Variants in LRRC4C observed in about 807,000 individuals in gnomAD.
LRRC4C encodes leucine-rich repeat-containing protein 4C.
Under a neutral mutation model 33.6 loss-of-function variants are expected in LRRC4C, and 5 were observed. That is an observed-to-expected ratio of 0.15 (90% confidence interval 0.08 to 0.31). The LOEUF (loss-of-function observed/expected upper bound fraction) is 0.31. Among genes scored for constraint, LRRC4C ranks in the 10% least tolerant of loss-of-function variants. LRRC4C has a pLI of 1.00. For missense variants in LRRC4C, 560 were observed against 796.7 expected (o/e 0.70, Z 3.58); for synonymous variants, 329 against 302.0 (o/e 1.09, Z -0.93).
intron 3 of LRRC4C, among the ~76,000 whole-genome samples, chr11:40,493,103 ATGGT>A (rs959347183): frequency 1.3e-5 from 2 of 151,368 alleles, no homozygotes; most frequent in African/African-American, 4.8e-5. Context: ...AGATAAATGG[ATGGT>A]TGGATATATA....
chr11:41,378,257 G>C (rs1221914251), intron 1 of LRRC4C, among the ~76,000 whole-genome samples: 4 of 152,094 alleles, frequency 2.6e-5, no homozygotes, highest in Non-Finnish European at 5.9e-5. Context: ...AAGAACATGG[G>C]AATGAAGAAA....
intron 1 of LRRC4C, among the ~76,000 whole-genome samples, chr11:41,162,916 G>T (rs1944538115): frequency 6.6e-6 from 1 of 152,072 alleles, no homozygotes; most frequent in Non-Finnish European, 1.5e-5. Context: ...ATATGGTTTG[G>T]CACTGTTTCC....
chr11:41,008,583 C>T (rs560168825), intron 1 of LRRC4C, among the ~76,000 whole-genome samples: 1 of 152,236 alleles, frequency 6.6e-6, no homozygotes, highest in East Asian at 1.9e-4. Flanking sequence ...CACCATGTTT[C>T]CAAAGAGTCT....
intron 3 of LRRC4C, among the ~76,000 whole-genome samples, chr11:40,543,945 C>T (rs1019598646): frequency 6.6e-6 from 1 of 152,022 alleles, no homozygotes; most frequent in African/African-American, 2.4e-5. Flanking sequence ...CAATTTATCA[C>T]TGACAGCTAA....
chr11:40,273,010 A>T (rs1157409212), intron 4 of LRRC4C, among the ~76,000 whole-genome samples: 1 of 152,182 alleles, frequency 6.6e-6, no homozygotes, highest in Non-Finnish European at 1.5e-5. Context: ...ACAATAATTT[A>T]AAACACTGTG....
chr11:40,191,034 T>C (rs1330221130), intron 5 of LRRC4C, among the ~76,000 whole-genome samples: 2 of 152,192 alleles, frequency 1.3e-5, no homozygotes, highest in South Asian at 2.1e-4. Flanking sequence ...GCTACTACTA[T>C]TGAATATATT....
rs1278113931 is a variant in LRRC4C, at chr11:40,841,109, T to G, written c.-407+92526A>C. 2.6e-5 allele frequency among the ~76,000 whole-genome samples: 4 copies of G among 152,334 alleles called. No individual in the cohort carries two copies. The South Asian group carries it at 8.3e-4, about 32-fold the overall frequency. On this transcript the variant is annotated intron_variant, in intron 2 of 6. Coordinates refer to ENST00000528697, the MANE Select transcript of LRRC4C (RefSeq NM_001258419.2). ...AATATCCACTGCATCTGCCATCTAA[T>G]TATTTAAAACATTATTACTAAGTTT... is the stretch of plus-strand genomic sequence containing the variant.
chr11:41,088,668 T>A (rs1021760919), intron 1 of LRRC4C, among the ~76,000 whole-genome samples: 1 of 152,144 alleles, frequency 6.6e-6, no homozygotes, highest in Admixed American at 6.6e-5. Flanking sequence ...AGTTAAATGG[T>A]TATCTTTAAT....
intron 3 of LRRC4C, among the ~76,000 whole-genome samples, chr11:40,542,052 C>CTCTCTCTTTCTT (rs1555096424): frequency 8.0e-5 from 12 of 149,260 alleles, no homozygotes; most frequent in Admixed American, 2.0e-4. Flanking sequence ...TTCTCTTTCT[C>CTCTCTCTTTCTT]TCTTTCTTTC....
chr11:40,984,363 A>AGAAAG (rs1375965996), intron 1 of LRRC4C, among the ~76,000 whole-genome samples: 2 of 120,296 alleles, frequency 1.7e-5, no homozygotes, highest in African/African-American at 6.4e-5. Context: ...AAAGAAAGAA[A>AGAAAG]AAAGAAAGAA....
chr11:41,379,327 T>C (rs1360064277), intron 1 of LRRC4C, among the ~76,000 whole-genome samples: 1 of 152,146 alleles, frequency 6.6e-6, no homozygotes, highest in Non-Finnish European at 1.5e-5. Context: ...TTACTGATTC[T>C]TCCTGTAGAG....
intron 3 of LRRC4C, among the ~76,000 whole-genome samples, chr11:40,617,391 T>A (rs999943571): frequency 6.6e-6 from 1 of 151,688 alleles, no homozygotes; most frequent in African/African-American, 2.4e-5. Context: ...TCAAATTTAC[T>A]CTATTTTCCT....
At chr11:40,812,516 T>C (rs1030884214) in intron 2 of LRRC4C, among the ~76,000 whole-genome samples, 2 of 152,180 alleles carry the variant, frequency 1.3e-5, no homozygotes, top group Non-Finnish European at 1.5e-5. Flanking sequence ...GTTCTCTATG[T>C]TAAAATATAA....
intron 2 of LRRC4C, among the ~76,000 whole-genome samples, chr11:40,663,585 C>A (rs1488084711): frequency 2.0e-5 from 3 of 152,090 alleles, no homozygotes; most frequent in Admixed American, 2.0e-4. Flanking sequence ...GGGGGAAGAA[C>A]TTCCAGGTGT....
chr11:41,258,912 A>C (rs75097876), intron 1 of LRRC4C, among the ~76,000 whole-genome samples: 2,523 of 152,120 alleles, frequency 0.017, 37 homozygotes, highest in Non-Finnish European at 0.023. Context: ...TCTAGTACAA[A>C]TAATCTAAAA....
chr11:41,357,515 TAA>T (rs1351121515), intron 1 of LRRC4C, among the ~76,000 whole-genome samples: 1 of 152,104 alleles, frequency 6.6e-6, no homozygotes, highest in Non-Finnish European at 1.5e-5. Flanking sequence ...ACAGAAGAAT[TAA>T]GTCTCATAAA....
intron 2 of LRRC4C, among the ~76,000 whole-genome samples, chr11:40,822,856 G>C (rs550552823): frequency 1.3e-5 from 2 of 151,798 alleles, no homozygotes; most frequent in South Asian, 4.2e-4. Context: ...TATATAGTGA[G>C]AGATAGGGGT....
intron 3 of LRRC4C, among the ~76,000 whole-genome samples, chr11:40,576,404 C>T (rs1958194852): frequency 6.6e-6 from 1 of 152,158 alleles, no homozygotes; most frequent in African/African-American, 2.4e-5. Flanking sequence ...AATTTTTAGC[C>T]TGGACTTGGC....
At chr11:40,697,896 G>A (rs1426773789) in intron 2 of LRRC4C, among the ~76,000 whole-genome samples, 16 of 151,830 alleles carry the variant, frequency 1.1e-4, no homozygotes, top group South Asian at 4.2e-4. Context: ...GGTGAAACTC[G>A]TCTCTACTAA....
Sources: allele counts gnomAD v4.1 joint callset (sites outside exome capture counted in the v4.1 genomes callset), GRCh38; gene constraint gnomAD v4.1.1; transcripts MANE v1.5; gene names NCBI Gene and HGNC (gene_info 2026-07-23, HGNC 2026-07-21).